RRAGD: variants seen among roughly 807,000 people sequenced by gnomAD.
RRAGD encodes the protein ras-related GTP-binding protein D.
RRAGD carries 12 observed loss-of-function variants against 35.5 expected under a neutral mutation model. The observed-to-expected ratio is 0.34, with a 90% CI of 0.22 to 0.55. RRAGD has a LOEUF of 0.55. Ranked by LOEUF, RRAGD falls within the 20% of genes least tolerant of loss-of-function variation. The pLI is 0.91. For missense variants in RRAGD, 324 were observed against 490.1 expected (o/e 0.66, Z 3.20); for synonymous variants, 155 against 178.9 (o/e 0.87, Z 1.07).
intron 1 of RRAGD, among the ~76,000 whole-genome samples, chr6:89,392,173 G>A (rs138938336): frequency 3.7e-4 from 56 of 152,022 alleles, no homozygotes; most frequent in East Asian, 1.9e-3. Context: ...AGGAACCAAC[G>A]TCTTAAGAAA....
rs77372208 is a variant in RRAGD at position 89,366,439 on chromosome 6, G to A, written c.*1617C>T. 0.025 allele frequency: 3,721 copies of A among 151,610 alleles called. 149 individuals are homozygous for A. Among genetic ancestry groups the A allele is most frequent in the African/African-American group, 0.084 (3,480 of 41,258 alleles). The allele number at this position is 151,610 out of a possible 1,614,324, so 9.4% of individuals were successfully genotyped here. A position where few individuals can be genotyped will look rare whatever the true frequency, so the allele number is the denominator to read the frequency against. On this transcript the variant is annotated 3_prime_UTR_variant, in exon 7 of 7. Transcript: ENST00000369415. ...TCTAGCTACTAGGGAGGCTGAGGTG[G>A]AAGGATCCCTTGAGCCCAAGAGGTA... is the stretch of plus-strand genomic sequence containing the variant.
chr6:89,402,237 G>T (rs13216729), intron 1 of RRAGD, among the ~76,000 whole-genome samples: 1 of 151,404 alleles, frequency 6.6e-6, no homozygotes, highest in East Asian at 1.9e-4. Flanking sequence ...TAGTAGAGAC[G>T]AGGCTTCACC....
intron 5 of RRAGD, 76 bp from the exon 6 acceptor site, chr6:89,372,661 G>T (rs952771686): frequency 1.4e-6 from 2 of 1,408,046 alleles, no homozygotes; most frequent in South Asian, 1.4e-5. Flanking sequence ...CAAGAGACCG[G>T]CTTTAAGCCA....
At chr6:89,370,440 G>T (rs1323674976) in intron 6 of RRAGD, among the ~76,000 whole-genome samples, 2 of 152,126 alleles carry the variant, frequency 1.3e-5, no homozygotes, top group African/African-American at 4.8e-5. Context: ...ACCCAATATT[G>T]ATAAGAACAC....
chr6:89,371,761 C>T (rs1768857440), intron 6 of RRAGD, among the ~76,000 whole-genome samples: 1 of 152,072 alleles, frequency 6.6e-6, no homozygotes, highest in African/African-American at 2.4e-5. Flanking sequence ...AGTCCCTAGC[C>T]ATATCAGTAA....
intron 6 of RRAGD, 129 bp downstream of exon 6, chr6:89,372,308 A>T: frequency 9.8e-7 from 1 of 1,018,546 alleles, no homozygotes; most frequent in Non-Finnish European, 1.4e-6. Context: ...CCAAGCCAAG[A>T]GGGCCTGTGA....
chr6:89,371,393 G>A (rs1011209795), intron 6 of RRAGD, among the ~76,000 whole-genome samples: 3 of 152,098 alleles, frequency 2.0e-5, no homozygotes, highest in Admixed American at 2.0e-4. Flanking sequence ...GGAGGATGAG[G>A]TGGGAGGATC....
chr6:89,373,591 C>T (rs1768887876), intron 5 of RRAGD, among the ~76,000 whole-genome samples: 1 of 146,448 alleles, frequency 6.8e-6, no homozygotes, highest in African/African-American at 2.6e-5. Flanking sequence ...GTACTCTAGC[C>T]TGGGTGACAG....
intron 2 of RRAGD, among the ~76,000 whole-genome samples, chr6:89,381,871 G>A (rs1435969253): frequency 6.6e-6 from 1 of 152,166 alleles, no homozygotes; most frequent in African/African-American, 2.4e-5. Context: ...TCTGAAGGGT[G>A]ACTTGTCAGG....
chr6:89,378,042 G>A (rs776591542), intron 4 of RRAGD, among the ~76,000 whole-genome samples: 5 of 152,316 alleles, frequency 3.3e-5, no homozygotes, highest in Admixed American at 6.5e-5. Flanking sequence ...GGTGGCTCAC[G>A]CCTGTAATCC....
At chr6:89,384,071 C>T (rs1451058136) in intron 2 of RRAGD, among the ~76,000 whole-genome samples, 1 of 151,128 alleles carries the variant, frequency 6.6e-6, no homozygotes, top group African/African-American at 2.4e-5. Flanking sequence ...CCACTGCACT[C>T]CAGCCTGGTG....
intron 1 of RRAGD, among the ~76,000 whole-genome samples, chr6:89,397,942 T>A (rs571121335): frequency 1.3e-5 from 2 of 150,390 alleles, no homozygotes; most frequent in South Asian, 2.1e-4. Context: ...AGGTCAGGAG[T>A]TCAAGACTAG....
chr6:89,381,763 G>C (rs1769047234), intron 2 of RRAGD, among the ~76,000 whole-genome samples: 1 of 152,062 alleles, frequency 6.6e-6, no homozygotes, highest in Non-Finnish European at 1.5e-5. Context: ...TTCCTTTTAT[G>C]GATGATCTAT....
chr6:89,376,374 C>T (rs1768946073), intron 5 of RRAGD, among the ~76,000 whole-genome samples: 1 of 150,794 alleles, frequency 6.6e-6, no homozygotes, highest in Admixed American at 6.6e-5. Context: ...GCTGAGTGGG[C>T]AAAGGATTTT....
intron 1 of RRAGD, among the ~76,000 whole-genome samples, chr6:89,388,519 T>G (rs910936303): frequency 6.6e-6 from 1 of 152,166 alleles, no homozygotes; most frequent in Non-Finnish European, 1.5e-5. Context: ...ACAATAAAAA[T>G]TTGGGGGTTC....
rs1298533487 is a variant in RRAGD, at chr6:89,367,270, C to T, written c.*786G>A. The T allele has an allele frequency of 6.6e-6, 1 of 152,144 alleles. No homozygotes were observed. Among genetic ancestry groups the T allele is most frequent in the African/African-American group, 2.4e-5 (1 of 41,420 alleles). 9.4% of individuals were successfully genotyped at this position (152,144 alleles called of 1,614,324 possible). The stretch of plus-strand genomic sequence containing the variant: ...ATTCAGTGACATTCTTACTTCTCTC[C>T]AGTGTTCGGCACCATTTTGGAAATC... On this transcript the variant is annotated 3_prime_UTR_variant, in exon 7 of 7. Transcript: ENST00000369415.
At chr6:89,376,300 G>GGGGTGTGTGCGTGCGT (rs1554203293) in intron 5 of RRAGD, among the ~76,000 whole-genome samples, 1 of 141,772 alleles carries the variant, frequency 7.1e-6, no homozygotes, top group South Asian at 2.2e-4. Flanking sequence ...ATGTGTGTGT[G>GGGGTGTGTGCGTGCGT]GTGTGTGTGT....
At chr6:89,376,736 A>AT (rs59752079) in intron 5 of RRAGD, among the ~76,000 whole-genome samples, 4,871 of 152,118 alleles carry the variant, frequency 0.032, 309 homozygotes, top group East Asian at 0.27. Flanking sequence ...ATGTTAACAG[A>AT]TTTTTTTCAG....
intron 3 of RRAGD, among the ~76,000 whole-genome samples, chr6:89,379,576 C>T (rs1204958449): frequency 6.6e-6 from 1 of 152,226 alleles, no homozygotes. Flanking sequence ...TGCCAACTGG[C>T]AAGCTTACAA....
Sources: allele counts gnomAD v4.1 joint callset (sites outside exome capture counted in the v4.1 genomes callset), GRCh38; gene constraint gnomAD v4.1.1; transcripts MANE v1.5; gene names NCBI Gene and HGNC (gene_info 2026-07-23, HGNC 2026-07-21).